The following ENTREP2 variants were observed in gnomAD, a reference collection of about 807,000 sequenced individuals.
ENTREP2 encodes endosomal transmembrane epsin interactor 2.
the ENTREP2 span, among the ~76,000 whole-genome samples, chr15:29,603,391 T>C: frequency 1.3e-5 from 2 of 152,240 alleles, no homozygotes; most frequent in Non-Finnish European, 2.9e-5. Context: ...TTCTGAACAG[T>C]TGGGGTTTTC....
the ENTREP2 span, among the ~76,000 whole-genome samples, chr15:29,191,446 C>T: frequency 0.38 from 58,311 of 151,522 alleles, 11,412 homozygotes; most frequent in East Asian, 0.55. Flanking sequence ...CAAACCGTAA[C>T]CAAGGAGAGA....
the ENTREP2 span, among the ~76,000 whole-genome samples, chr15:29,574,961 A>G: frequency 3.9e-5 from 6 of 152,342 alleles, no homozygotes; most frequent in South Asian, 1.0e-3. Context: ...AAAAGTATCA[A>G]AGATTATGGA....
At chr15:29,250,276 A>G in the ENTREP2 span, among the ~76,000 whole-genome samples, 4 of 152,138 alleles carry the variant, frequency 2.6e-5, no homozygotes, top group Admixed American at 6.5e-5. Flanking sequence ...AAATGAACAC[A>G]CTGGTTTGTA....
the ENTREP2 span, among the ~76,000 whole-genome samples, chr15:29,577,588 A>G: frequency 6.6e-6 from 1 of 152,044 alleles, no homozygotes; most frequent in South Asian, 2.1e-4. Context: ...TCCTGAGCTC[A>G]AGCAATCCAC....
At chr15:29,577,127 A>G in the ENTREP2 span, among the ~76,000 whole-genome samples, 94 of 152,128 alleles carry the variant, frequency 6.2e-4, no homozygotes, top group South Asian at 4.4e-3. Flanking sequence ...TTTAAAAAAA[A>G]AAAGAAAGAA....
At chr15:29,542,826 T>C in the ENTREP2 span, among the ~76,000 whole-genome samples, 1 of 152,240 alleles carries the variant, frequency 6.6e-6, no homozygotes, top group Non-Finnish European at 1.5e-5. Flanking sequence ...TCACACAGTA[T>C]TTGTCCTTTG....
the ENTREP2 span, among the ~76,000 whole-genome samples, chr15:29,299,033 G>T: frequency 6.6e-6 from 1 of 152,140 alleles, no homozygotes; most frequent in African/African-American, 2.4e-5. Flanking sequence ...AAATAAACTA[G>T]AAGTACATAA....
At chr15:29,245,578 T>C in the ENTREP2 span, among the ~76,000 whole-genome samples, 9 of 151,198 alleles carry the variant, frequency 6.0e-5, no homozygotes, top group South Asian at 2.1e-4. Flanking sequence ...AATATAACAA[T>C]AGCCAGTTTC....
chr15:29,444,040 C>G, the ENTREP2 span, among the ~76,000 whole-genome samples: 5 of 151,986 alleles, frequency 3.3e-5, no homozygotes, highest in African/African-American at 9.7e-5. Context: ...GGAGGTGGAG[C>G]TTGCAGTGAG....
the ENTREP2 span, among the ~76,000 whole-genome samples, chr15:29,555,026 T>C: frequency 6.6e-6 from 1 of 152,178 alleles, no homozygotes; most frequent in African/African-American, 2.4e-5. Flanking sequence ...AAAAATTACA[T>C]GAGCTATATC....
At chr15:29,259,977 G>A in the ENTREP2 span, among the ~76,000 whole-genome samples, 1 of 152,134 alleles carries the variant, frequency 6.6e-6, no homozygotes, top group African/African-American at 2.4e-5. Context: ...GTTTTAACTG[G>A]TGTCCAGCTT....
At chr15:29,393,077 A>C in the ENTREP2 span, among the ~76,000 whole-genome samples, 1 of 152,132 alleles carries the variant, frequency 6.6e-6, no homozygotes. Context: ...TGTGTTGATA[A>C]TTTCTTTAAA....
the ENTREP2 span, among the ~76,000 whole-genome samples, chr15:29,386,663 C>T: frequency 6.6e-6 from 1 of 152,130 alleles, no homozygotes; most frequent in East Asian, 1.9e-4. Context: ...GGAGATGGGG[C>T]CTCTGGGAGG....
chr15:29,415,652 C>G, the ENTREP2 span, among the ~76,000 whole-genome samples: 2 of 152,106 alleles, frequency 1.3e-5, no homozygotes, highest in African/African-American at 2.4e-5. Context: ...CTGGCCAGGG[C>G]AGTCAGGCAG....
the ENTREP2 span, among the ~76,000 whole-genome samples, chr15:29,438,152 A>T: frequency 3.9e-4 from 59 of 152,332 alleles, no homozygotes; most frequent in African/African-American, 1.4e-3. Flanking sequence ...TGGTGTCTGT[A>T]TCTTCAAAAA....
the ENTREP2 span, among the ~76,000 whole-genome samples, chr15:29,278,141 C>G: frequency 6.6e-6 from 1 of 151,348 alleles, no homozygotes. Flanking sequence ...GCAGCTCCCT[C>G]CCTTGGACTA....
the ENTREP2 span, among the ~76,000 whole-genome samples, chr15:29,229,028 T>C: frequency 6.6e-6 from 1 of 152,160 alleles, no homozygotes. Flanking sequence ...TAAAGAAATC[T>C]ATGAAAATGC....
the ENTREP2 span, among the ~76,000 whole-genome samples, chr15:29,571,539 C>T: frequency 6.6e-6 from 1 of 152,270 alleles, no homozygotes; most frequent in South Asian, 2.1e-4. Context: ...GAGAACTCAG[C>T]TCTGGAGGAC....
At chr15:29,134,700 G>A in the ENTREP2 span, among the ~76,000 whole-genome samples, 1 of 152,182 alleles carries the variant, frequency 6.6e-6, no homozygotes, top group Non-Finnish European at 1.5e-5. Flanking sequence ...AAGGGCTTGT[G>A]AGCTTATTCA....
Sources: gnomAD v4.1 joint callset for allele counts (sites outside exome capture counted in the v4.1 genomes callset) on GRCh38, gnomAD v4.1.1 for gene constraint, MANE v1.5 for transcripts, NCBI Gene and HGNC (gene_info 2026-07-23, HGNC 2026-07-21) for gene names.